The following KIAA1958 variants were observed in gnomAD, a reference collection of about 807,000 sequenced individuals.
KIAA1958 encodes the protein KIAA1958, also known as uncharacterized protein KIAA1958.
KIAA1958 carries 14 observed loss-of-function variants against 47.2 expected under a neutral mutation model. The ratio of observed to expected loss-of-function variants is 0.30; its 90% CI spans 0.20 to 0.46. The LOEUF (loss-of-function observed/expected upper bound fraction) is 0.46. Ranked by LOEUF, KIAA1958 falls within the 20% of genes least tolerant of loss-of-function variation. KIAA1958 has a pLI of 1.00. For missense variants in KIAA1958, 803 were observed against 909.2 expected, an observed-to-expected ratio of 0.88 and a Z score of 1.50; for synonymous variants, 354 against 353.3, an observed-to-expected ratio of 1.00 and a Z score of -0.02.
chr9:112,548,877 G>A lies in KIAA1958; in HGVS notation c.-24-25180G>A, dbSNP rs974441457. On this transcript the variant is annotated intron_variant, in intron 1 of 3. Transcript: ENST00000337530. ...AATATGACCGGTGTCCTTATAAGAAGTAGAAATTTGGATAGAGATTTGTAC... is the reference window on the plus strand; with the variant it reads ...AATATGACCGGTGTCCTTATAAGAAATAGAAATTTGGATAGAGATTTGTAC... Among the ~76,000 whole-genome samples the A allele has an allele frequency of 2.6e-5, 4 of 152,186 alleles. No homozygotes were observed. In the South Asian group the frequency reaches 8.3e-4, roughly 32 times the overall value.
intron 1 of KIAA1958, among the ~76,000 whole-genome samples, chr9:112,512,411 G>T (rs1483554977): frequency 2.0e-5 from 3 of 151,716 alleles, no homozygotes; most frequent in African/African-American, 7.3e-5. Context: ...TCATTTGATT[G>T]CTGTAAATGA....
intron 2 of KIAA1958, among the ~76,000 whole-genome samples, chr9:112,594,923 T>C (rs1564185023): frequency 6.6e-6 from 1 of 152,190 alleles, no homozygotes; most frequent in Non-Finnish European, 1.5e-5. Flanking sequence ...ATAGGCATCT[T>C]AGTGGTGTGA....
intron 2 of KIAA1958, among the ~76,000 whole-genome samples, chr9:112,642,463 C>A (rs927932434): frequency 6.6e-6 from 1 of 152,236 alleles, no homozygotes; most frequent in Non-Finnish European, 1.5e-5. Flanking sequence ...TTTCCTTTCT[C>A]TGTCCCCTCA....
At chr9:112,629,050 C>T (rs1836666489) in intron 2 of KIAA1958, among the ~76,000 whole-genome samples, 1 of 152,152 alleles carries the variant, frequency 6.6e-6, no homozygotes, top group Non-Finnish European at 1.5e-5. Context: ...AGAATGAATG[C>T]TGTATTCAAC....
intron 1 of KIAA1958, among the ~76,000 whole-genome samples, chr9:112,571,592 A>G (rs1361568082): frequency 6.6e-6 from 1 of 152,062 alleles, no homozygotes; most frequent in Non-Finnish European, 1.5e-5. Flanking sequence ...AGTAAGAGAG[A>G]ATGGACACTG....
At position 112,635,214 on chromosome 9, in the gene KIAA1958, TTGTGTGTGTGTGTGTGTGTGTG is replaced by T. The variant is rs71999105; in HGVS notation, c.1172-10406_1172-10385del. ...AAGTTTTATTTTGAGATTCTTTATTTTGTGTGTGTGTGTGTGTGTGTGTGTGTGTGTGTGTGTGTGTGTGTGT... is the reference window on the plus strand; with the variant it reads ...AAGTTTTATTTTGAGATTCTTTATTTTGTGTGTGTGTGTGTGTGTGTGTGT... On this transcript the variant is annotated intron_variant, in intron 2 of 3. Transcript: ENST00000337530. Among the ~76,000 whole-genome samples the T allele has an allele frequency of 9.8e-3, 1,274 of 130,438 alleles. 26 individuals are homozygous for T. The highest frequency in any genetic ancestry group is 0.035 in the African/African-American group (1,197 of 33,948). 85.6% of individuals were successfully genotyped at this position (130,438 alleles called of 152,430 possible). A position where few individuals can be genotyped will look rare whatever the true frequency, so the allele number is the denominator to read the frequency against.
intron 1 of KIAA1958, among the ~76,000 whole-genome samples, chr9:112,499,720 G>A (rs1359260897): frequency 7.0e-5 from 9 of 127,822 alleles, no homozygotes; most frequent in African/African-American, 1.2e-4. Flanking sequence ...ACAGAGTTTC[G>A]CTCTGTCATC....
chr9:112,533,753 G>T (rs1834807754), intron 1 of KIAA1958, among the ~76,000 whole-genome samples: 1 of 152,090 alleles, frequency 6.6e-6, no homozygotes, highest in Admixed American at 6.6e-5. Flanking sequence ...AAAATCATCA[G>T]ATCTTGTGAG....
At chr9:112,550,854 C>T (rs1835129913) in intron 1 of KIAA1958, among the ~76,000 whole-genome samples, 1 of 152,152 alleles carries the variant, frequency 6.6e-6, no homozygotes, top group South Asian at 2.1e-4. Flanking sequence ...TCTCCAGCTC[C>T]TCAGAGGTCA....
At chr9:112,491,488 T>C (rs1041289676) in intron 1 of KIAA1958, among the ~76,000 whole-genome samples, 9 of 152,108 alleles carry the variant, frequency 5.9e-5, no homozygotes, top group Non-Finnish European at 7.4e-5. Context: ...ATGGCCTCTT[T>C]AGCTCCAGAG....
chr9:112,575,955 TA>T (rs1835637467), intron 2 of KIAA1958, among the ~76,000 whole-genome samples: 1 of 152,188 alleles, frequency 6.6e-6, no homozygotes, highest in Non-Finnish European at 1.5e-5. Flanking sequence ...CATTAGTATA[TA>T]AAGGGGTTGG....
chr9:112,636,948 T>C (rs559980950), intron 2 of KIAA1958, among the ~76,000 whole-genome samples: 12 of 152,322 alleles, frequency 7.9e-5, no homozygotes, highest in Admixed American at 2.6e-4. Flanking sequence ...AAACAAGTCT[T>C]TTTTATCCCA....
intron 1 of KIAA1958, among the ~76,000 whole-genome samples, chr9:112,512,473 T>A (rs1465381388): frequency 6.6e-6 from 1 of 152,166 alleles, no homozygotes; most frequent in African/African-American, 2.4e-5. Flanking sequence ...AAAAAAACTC[T>A]TAGCAAACTG....
At chr9:112,610,211 A>G (rs1836302483) in intron 2 of KIAA1958, among the ~76,000 whole-genome samples, 1 of 152,098 alleles carries the variant, frequency 6.6e-6, no homozygotes, top group Non-Finnish European at 1.5e-5. Flanking sequence ...AGCAAAACCT[A>G]GAGATGCAGA....
At chr9:112,530,005 A>G (rs1421238048) in intron 1 of KIAA1958, among the ~76,000 whole-genome samples, 1 of 151,954 alleles carries the variant, frequency 6.6e-6, no homozygotes, top group Admixed American at 6.6e-5. Context: ...CACCACGCCC[A>G]GCTAATTTTT....
intron 3 of KIAA1958, among the ~76,000 whole-genome samples, chr9:112,651,148 T>C (rs76498016): frequency 0.069 from 10,439 of 152,104 alleles, 443 homozygotes; most frequent in East Asian, 0.1. Flanking sequence ...GATAAGGACT[T>C]AACGCTGTCA....
chr9:112,575,376 G>A (rs748375700), intron 2 of KIAA1958, 125 bp downstream of exon 2: 8 of 633,592 alleles, frequency 1.3e-5, no homozygotes, highest in Non-Finnish European at 2.1e-5. Flanking sequence ...TAGAAAGATA[G>A]AAACAATGAC....
rs764741462 is a variant in KIAA1958 at position 112,660,112 on chromosome 9, C to A, written c.*43C>A. On this transcript the variant is annotated 3_prime_UTR_variant, in exon 4 of 4. Coordinates refer to ENST00000337530, the MANE Select transcript of KIAA1958 (RefSeq NM_133465.4). The stretch of plus-strand genomic sequence containing the variant: ...GCCACTGCCCTGTCACCTGCTCGGG[C>A]CAGCCAGGGTTGGAGCAGCTGGAGC... The A allele has an allele frequency of 4.5e-6, 7 of 1,564,642 alleles. No homozygotes were observed. Among genetic ancestry groups the A allele is most frequent in the Non-Finnish European group, 6.1e-6 (7 of 1,147,758 alleles).
intron 1 of KIAA1958, among the ~76,000 whole-genome samples, chr9:112,538,083 C>T (rs949478977): frequency 1.3e-5 from 2 of 152,182 alleles, no homozygotes; most frequent in Non-Finnish European, 2.9e-5. Flanking sequence ...GTAATCCCAG[C>T]TCTATGGGAG....
Sources: gnomAD v4.1 joint callset for allele counts (sites outside exome capture counted in the v4.1 genomes callset) on GRCh38, gnomAD v4.1.1 for gene constraint, MANE v1.5 for transcripts, NCBI Gene and HGNC (gene_info 2026-07-23, HGNC 2026-07-21) for gene names.